The following CDH18 variants were observed in gnomAD, a reference collection of about 807,000 sequenced individuals.
CDH18 encodes the protein cadherin 18, also known as cadherin-18.
In CDH18, 31 loss-of-function variants were observed where a neutral mutation model predicts 67.9. The observed-to-expected ratio is 0.46, with a 90% confidence interval of 0.34 to 0.62. The LOEUF (loss-of-function observed/expected upper bound fraction) is 0.62. Among genes scored for constraint, CDH18 ranks in the 20% least tolerant of loss-of-function variants. The probability of loss-of-function intolerance (pLI) is 0.01; values close to 1 mark genes in which losing one functional copy is unlikely to be tolerated. For missense variants in CDH18, 890 were observed against 975.5 expected (o/e 0.91, Z 1.17); for synonymous variants, 362 against 347.2 (o/e 1.04, Z -0.48).
At chr5:20,518,145 C>G (rs917246218) in intron 1 of CDH18, among the ~76,000 whole-genome samples, 2 of 151,992 alleles carry the variant, frequency 1.3e-5, no homozygotes, top group Non-Finnish European at 2.9e-5. Flanking sequence ...TTTCTTGATT[C>G]ACTATCTACT....
chr5:20,575,030 C>G (rs1342149123), intron 1 of CDH18, among the ~76,000 whole-genome samples: 1 of 151,542 alleles, frequency 6.6e-6, no homozygotes, highest in African/African-American at 2.4e-5. Flanking sequence ...ATAGCATCTA[C>G]GTCTGCATAA....
At chr5:19,576,852 G>A (rs764842374) in intron 7 of CDH18, among the ~76,000 whole-genome samples, 3 of 152,062 alleles carry the variant, frequency 2.0e-5, no homozygotes, top group Non-Finnish European at 4.4e-5. Flanking sequence ...ATTCATCCAC[G>A]AATAAAAGGA....
At chr5:19,770,240 T>A (rs914926353) in intron 3 of CDH18, among the ~76,000 whole-genome samples, 1 of 152,016 alleles carries the variant, frequency 6.6e-6, no homozygotes, top group African/African-American at 2.4e-5. Flanking sequence ...AACAAGGGAC[T>A]TTTTAAAGAA....
chr5:19,723,638 T>C (rs1214251887), intron 4 of CDH18, among the ~76,000 whole-genome samples: 1 of 152,196 alleles, frequency 6.6e-6, no homozygotes, highest in Non-Finnish European at 1.5e-5. Context: ...ATGTGATTGT[T>C]TGGCAATTTC....
At chr5:20,351,160 T>TTGTGTGTGTG (rs375375615) in intron 1 of CDH18, among the ~76,000 whole-genome samples, 2,848 of 132,118 alleles carry the variant, frequency 0.022, 115 homozygotes, top group African/African-American at 0.073. Flanking sequence ...GTAAATGTAT[T>TTGTGTGTGTG]TGTGTGTGTG....
intron 1 of CDH18, among the ~76,000 whole-genome samples, chr5:20,349,855 G>A (rs1554121719): frequency 6.6e-6 from 1 of 152,066 alleles, no homozygotes; most frequent in African/African-American, 2.4e-5. Flanking sequence ...TAAGATAAAC[G>A]AGCTGGAGCC....
At chr5:19,507,816 T>C (rs1744452643) in intron 10 of CDH18, among the ~76,000 whole-genome samples, 1 of 152,074 alleles carries the variant, frequency 6.6e-6, no homozygotes, top group Non-Finnish European at 1.5e-5. Flanking sequence ...AATGACGAGT[T>C]AATAGGTGCA....
At chr5:19,959,329 T>C (rs1213825621) in intron 2 of CDH18, among the ~76,000 whole-genome samples, 1 of 152,080 alleles carries the variant, frequency 6.6e-6, no homozygotes, top group Non-Finnish European at 1.5e-5. Context: ...CCATTAAATA[T>C]AAACTCAGAA....
chr5:20,482,966 C>T lies in CDH18; in HGVS notation c.-580+92496G>A, dbSNP rs183402697. 9.9e-5 allele frequency among the ~76,000 whole-genome samples: 15 copies of T among 152,002 alleles called. No homozygotes were observed. The East Asian group carries it at 2.7e-3, about 27-fold the overall frequency. The stretch of plus-strand genomic sequence containing the variant: ...ACAAGAGAAAAAAATAAATAGTATC[C>T]AATTTGGAAAGAAAGGAGTCAAATT... On this transcript the variant is annotated intron_variant, in intron 1 of 14. Coordinates refer to the CDH18 transcript ENST00000507958.
chr5:20,494,860 A>G (rs1355688963), intron 1 of CDH18, among the ~76,000 whole-genome samples: 1 of 152,110 alleles, frequency 6.6e-6, no homozygotes, highest in Non-Finnish European at 1.5e-5. Flanking sequence ...CAGAAGGGAA[A>G]ACATGCTGAC....
At chr5:20,040,907 C>T (rs1006725049) in intron 2 of CDH18, among the ~76,000 whole-genome samples, 1 of 152,176 alleles carries the variant, frequency 6.6e-6, no homozygotes, top group African/African-American at 2.4e-5. Context: ...AATTACTGTT[C>T]CACATTGCAC....
At chr5:20,470,220 T>C (rs1388593790) in intron 1 of CDH18, among the ~76,000 whole-genome samples, 3 of 152,136 alleles carry the variant, frequency 2.0e-5, no homozygotes, top group African/African-American at 7.2e-5. Context: ...ATACATTCCA[T>C]GGTAAGGTGT....
chr5:20,255,589 C>T (rs2126612147), intron 1 of CDH18: 1 of 151,714 alleles, frequency 6.6e-6, no homozygotes, highest in South Asian at 2.1e-4. Flanking sequence ...TTATGTCATA[C>T]ATTAAACAAA....
intron 2 of CDH18, among the ~76,000 whole-genome samples, chr5:19,917,339 C>G (rs1318096863): frequency 6.7e-6 from 1 of 148,584 alleles, no homozygotes; most frequent in South Asian, 2.2e-4. Flanking sequence ...TTTTCTTTCC[C>G]CCCCCGCCCC....
At chr5:20,146,895 A>G (rs1041499033) in intron 2 of CDH18, among the ~76,000 whole-genome samples, 1 of 152,012 alleles carries the variant, frequency 6.6e-6, no homozygotes, top group Non-Finnish European at 1.5e-5. Context: ...TCTACATCTT[A>G]GGCATTATTT....
chr5:20,538,675 C>A (rs908377573), intron 1 of CDH18, among the ~76,000 whole-genome samples: 2 of 152,142 alleles, frequency 1.3e-5, no homozygotes, highest in Admixed American at 6.6e-5. Flanking sequence ...AGGACTAGGG[C>A]ATTGACAGAA....
intron 1 of CDH18, among the ~76,000 whole-genome samples, chr5:20,386,020 A>T (rs531117556): frequency 8.9e-4 from 135 of 152,334 alleles, no homozygotes; most frequent in Middle Eastern, 6.8e-3. Context: ...TATGTATGTA[A>T]TTATGAATCT....
intron 2 of CDH18, among the ~76,000 whole-genome samples, chr5:20,103,223 TTC>T (rs1355391429): frequency 6.6e-6 from 1 of 152,210 alleles, no homozygotes; most frequent in Non-Finnish European, 1.5e-5. Context: ...CTTTTGATTC[TTC>T]TCTGTTTTTA....
At position 20,058,189 on chromosome 5, in the gene CDH18, AG is replaced by A. The variant is rs531646466; in HGVS notation, c.-517-66176del. The stretch of plus-strand genomic sequence containing the variant: ...TCCTAAATGAATGTACACATCGAGT[AG>A]TACTCTAGAATTGTATTAGAACTAT... On this transcript the variant is annotated intron_variant, in intron 2 of 14. Coordinates refer to the CDH18 transcript ENST00000507958. Among the ~76,000 whole-genome samples the A allele has an allele frequency of 1.5e-4, 23 of 152,324 alleles. 1 individual carries two copies. The South Asian group carries it at 4.8e-3, about 32-fold the overall frequency.
Sources: allele counts gnomAD v4.1 joint callset (sites outside exome capture counted in the v4.1 genomes callset), GRCh38; gene constraint gnomAD v4.1.1; transcripts MANE v1.5; gene names NCBI Gene and HGNC (gene_info 2026-07-23, HGNC 2026-07-21).